Variants in CD8B2 observed in about 807,000 individuals in gnomAD.
CD8B2 encodes the protein CD8B family member 2.
A neutral mutation model predicts 23.7 loss-of-function variants in CD8B2; 11 were observed. The ratio of observed to expected loss-of-function variants is 0.46; its 90% CI spans 0.29 to 0.77. The LOEUF (loss-of-function observed/expected upper bound fraction) is 0.77. CD8B2 is among the 30% of genes least tolerant of loss of function. CD8B2 has a pLI of 0.09. For synonymous variants in CD8B2, 90 were observed against 109.3 expected, an observed-to-expected ratio of 0.82 and a Z score of 1.10; for missense variants, 197 against 270.5, an observed-to-expected ratio of 0.73 and a Z score of 1.91.
chr2:106,495,349 C>T (rs374986981), intron 2 of CD8B2, among the ~76,000 whole-genome samples: 4 of 152,084 alleles, frequency 2.6e-5, no homozygotes, highest in African/African-American at 9.6e-5. Flanking sequence ...GGTGAAACCC[C>T]GTCTCTACTA....
intron 5 of CD8B2, among the ~76,000 whole-genome samples, chr2:106,531,616 G>A (rs180835131): frequency 7.9e-5 from 12 of 152,218 alleles, no homozygotes; most frequent in African/African-American, 2.4e-4. Context: ...GTCATGGGGT[G>A]GGAAATGTAT....
intron 2 of CD8B2, among the ~76,000 whole-genome samples, 181 bp from the exon 3 acceptor site, chr2:106,495,992 T>A (rs1679292323): frequency 6.6e-6 from 1 of 151,132 alleles, no homozygotes; most frequent in African/African-American, 2.4e-5. Flanking sequence ...AGAGAGGGGG[T>A]TTCACCATGT....
At chr2:106,524,355 C>T (rs1035299621) in intron 5 of CD8B2, among the ~76,000 whole-genome samples, 8 of 152,176 alleles carry the variant, frequency 5.3e-5, no homozygotes, top group Admixed American at 1.3e-4. Flanking sequence ...GCATTGTTTT[C>T]TGTGGGCTTG....
rs1448149175 is a variant in CD8B2 at position 106,499,219 on chromosome 2, C to T, written c.493+2957C>T. On this transcript the variant is annotated intron_variant, in intron 3 of 5. Coordinates refer to ENST00000643224, the MANE Select transcript of CD8B2 (RefSeq NM_001349727.2). ...CCTGTACATCCCTGCGACCTGCACC[C>T]ACCTCCATTACAGTTTTTAAAAACT... Among the ~76,000 whole-genome samples the T allele has an allele frequency of 3.9e-5, 6 of 152,096 alleles. No homozygotes were observed. In the East Asian group the frequency reaches 1.2e-3, roughly 29 times the overall value.
intron 1 of CD8B2, among the ~76,000 whole-genome samples, chr2:106,489,813 C>T (rs1377148522): frequency 6.6e-6 from 1 of 152,184 alleles, no homozygotes; most frequent in Non-Finnish European, 1.5e-5. Context: ...CAGAGGCAGG[C>T]AGGACAACAG....
At chr2:106,498,851 G>C (rs1353735414) in intron 3 of CD8B2, among the ~76,000 whole-genome samples, 1 of 152,044 alleles carries the variant, frequency 6.6e-6, no homozygotes, top group East Asian at 1.9e-4. Flanking sequence ...AAACCCATGG[G>C]GTCACTGAGA....
chr2:106,512,791 T>C (rs2104564143), downstream of CD8B2, among the ~76,000 whole-genome samples: 1 of 152,222 alleles, frequency 6.6e-6, no homozygotes, highest in East Asian at 1.9e-4. Flanking sequence ...TTAGGGAAAC[T>C]TCTGTGTGCC....
At chr2:106,524,083 G>T (rs1489209848) in intron 5 of CD8B2, among the ~76,000 whole-genome samples, 1 of 152,126 alleles carries the variant, frequency 6.6e-6, no homozygotes, top group African/African-American at 2.4e-5. Flanking sequence ...ATCAAGTGTC[G>T]GCCATGTGGG....
chr2:106,541,932 C>T (rs1443256396), intron 5 of CD8B2, among the ~76,000 whole-genome samples: 1 of 152,202 alleles, frequency 6.6e-6, no homozygotes, highest in East Asian at 1.9e-4. Flanking sequence ...TGCCAGCCAT[C>T]CCATTGCAGT....
At chr2:106,495,044 G>A (rs1196652686) in intron 2 of CD8B2, among the ~76,000 whole-genome samples, 1 of 152,090 alleles carries the variant, frequency 6.6e-6, no homozygotes, top group Admixed American at 6.5e-5. Context: ...CAAAGGCTGG[G>A]CGATCCAGCC....
intron 3 of CD8B2, among the ~76,000 whole-genome samples, chr2:106,499,331 G>A (rs1679357173): frequency 6.6e-6 from 1 of 151,996 alleles, no homozygotes; most frequent in African/African-American, 2.4e-5. Flanking sequence ...TCAGGAGTTC[G>A]AGACCAGCCT....
At chr2:106,501,641 C>T (rs1161826909) in intron 3 of CD8B2, among the ~76,000 whole-genome samples, 1 of 152,146 alleles carries the variant, frequency 6.6e-6, no homozygotes, top group East Asian at 1.9e-4. Context: ...AAGATTGTGC[C>T]ACTGCACTCC....
chr2:106,529,794 C>G (rs1679967007), intron 5 of CD8B2, among the ~76,000 whole-genome samples: 2 of 152,174 alleles, frequency 1.3e-5, no homozygotes, highest in African/African-American at 4.8e-5. Flanking sequence ...CCCACACTGG[C>G]TGGGGTGGGT....
At chr2:106,544,010 G>C in exon 6 of CD8B2, 1 of 398,664 alleles carries the variant, frequency 2.5e-6, no homozygotes, top group Non-Finnish European at 4.4e-6. Context: ...CTTGTGAACT[G>C]TTTTCACATT....
At chr2:106,522,782 C>T (rs771157584) in intron 5 of CD8B2, among the ~76,000 whole-genome samples, 2 of 152,116 alleles carry the variant, frequency 1.3e-5, no homozygotes, top group Non-Finnish European at 2.9e-5. Flanking sequence ...GAATTATGTA[C>T]GTAGGTTTGC....
chr2:106,487,737 A>G (rs1173331663), intron 1 of CD8B2, among the ~76,000 whole-genome samples: 1 of 152,132 alleles, frequency 6.6e-6, no homozygotes, highest in African/African-American at 2.4e-5. Context: ...AGGCAGTGAA[A>G]AGGGGAGCGA....
intron 5 of CD8B2, among the ~76,000 whole-genome samples, chr2:106,521,376 A>G (rs929925211): frequency 6.6e-6 from 1 of 152,232 alleles, no homozygotes; most frequent in East Asian, 1.9e-4. Context: ...CACGGCTGCT[A>G]GCATTCACCT....
intron 5 of CD8B2, among the ~76,000 whole-genome samples, chr2:106,538,574 G>A (rs1195818524): frequency 6.6e-6 from 1 of 152,066 alleles, no homozygotes; most frequent in Non-Finnish European, 1.5e-5. Context: ...ATTCACCTTT[G>A]CGCTATCTAG....
chr2:106,538,274 T>G (rs989426902), intron 5 of CD8B2, among the ~76,000 whole-genome samples: 1 of 152,172 alleles, frequency 6.6e-6, no homozygotes, highest in Non-Finnish European at 1.5e-5. Context: ...TGAGGAAGGT[T>G]TAGGCTGTGA....
Sources: allele counts gnomAD v4.1 joint callset (sites outside exome capture counted in the v4.1 genomes callset), GRCh38; gene constraint gnomAD v4.1.1; transcripts MANE v1.5; gene names NCBI Gene and HGNC (gene_info 2026-07-23, HGNC 2026-07-21).